Variants in DMGDH observed in about 807,000 individuals in gnomAD.
The protein encoded by DMGDH is dimethylglycine dehydrogenase, also known as dimethylglycine dehydrogenase, mitochondrial.
DMGDH carries 76 observed loss-of-function variants against 95.2 expected under a neutral mutation model. That is an observed-to-expected ratio of 0.80 (90% CI 0.66 to 0.97). The LOEUF (loss-of-function observed/expected upper bound fraction) is 0.97, where lower values mean the gene tolerates loss of function less well. DMGDH is among the 50% of genes least tolerant of loss of function. The pLI is 0.00. For synonymous variants in DMGDH, 345 were observed against 377.6 expected, an observed-to-expected ratio of 0.91 and a Z score of 1.00; for missense variants, 987 against 1,055.0, an observed-to-expected ratio of 0.94 and a Z score of 0.89.
chr5:79,005,420 A>G lies in DMGDH; in HGVS notation c.2251-13T>C. The G allele has an allele frequency of 6.2e-7, 1 of 1,614,088 alleles. No homozygotes were observed. The highest frequency in any genetic ancestry group is 2.2e-5 in the East Asian group (1 of 44,882). ...TGAAGTCTGCTGGCTGCAGGAATCC[A>G]AGATAATGATGATGAATGAATGCTC... On this transcript the variant is annotated splice_polypyrimidine_tract_variant and intron_variant, in intron 14 of 15. Coordinates refer to ENST00000255189, the MANE Select transcript of DMGDH (RefSeq NM_013391.3).
intron 7 of DMGDH, among the ~76,000 whole-genome samples, chr5:79,034,824 G>T (rs1350591704): frequency 1.3e-5 from 2 of 152,006 alleles, no homozygotes; most frequent in East Asian, 3.9e-4. Context: ...TTGGGAGGCC[G>T]AGACGGGCGG....
intron 1 of DMGDH, among the ~76,000 whole-genome samples, chr5:79,065,487 C>T (rs1220796269): frequency 6.6e-6 from 1 of 152,222 alleles, no homozygotes; most frequent in African/African-American, 2.4e-5. Flanking sequence ...GCTGGGATTA[C>T]AGGCATGAGC....
In DMGDH at chr5:79,029,969, AAC is replaced by A; in HGVS notation, c.1747_1748del (p.Val583PhefsTer20). The A allele has an allele frequency of 1.2e-6, 2 of 1,614,120 alleles. No homozygotes were observed. Among genetic ancestry groups the A allele is most frequent in the Non-Finnish European group, 1.7e-6 (2 of 1,179,970 alleles). On this transcript the variant is annotated frameshift_variant, in exon 11 of 16. Coordinates refer to ENST00000255189, the MANE Select transcript of DMGDH (RefSeq NM_013391.3). LOFTEE classifies it high-confidence loss of function. ...GAAACTCCCCAGGAGATTGGTGAGA[AAC>A]AGTCAGCTCAGCATACACTCGACCC... The part of the protein sequence containing the change: ...PKGRVYAELT[V>X]SHQSPGEFLL...
Position 79,045,762 on chromosome 5 carries a change from T to C in DMGDH, c.746-1210A>G, listed in dbSNP as rs56976263. ...TCTTTAGGGGTTACACAATAAGTTTTTAACCAGTACTGTCTCTGCTGTTTT... is the reference window on the plus strand; with the variant it reads ...TCTTTAGGGGTTACACAATAAGTTTCTAACCAGTACTGTCTCTGCTGTTTT... On this transcript the variant is annotated intron_variant, in intron 5 of 15. Transcript: ENST00000255189. 3.5e-4 allele frequency among the ~76,000 whole-genome samples: 54 copies of C among 152,306 alleles called. No homozygotes were observed. In the East Asian group the frequency reaches 9.8e-3, roughly 28 times the overall value.
chr5:79,068,167 C>A (rs1291687296), intron 1 of DMGDH, among the ~76,000 whole-genome samples: 3 of 152,176 alleles, frequency 2.0e-5, no homozygotes, highest in Non-Finnish European at 4.4e-5. Flanking sequence ...ATCTGCCCAC[C>A]TCAGCTTCCC....
At chr5:79,061,241 ACAC>A (rs1319407214) in intron 2 of DMGDH, among the ~76,000 whole-genome samples, 3 of 140,004 alleles carry the variant, frequency 2.1e-5, no homozygotes, top group Non-Finnish European at 4.4e-5. Context: ...ACACACACAC[ACAC>A]ACACACACAC....
chr5:79,033,274 GCCTCA>G lies in DMGDH; in HGVS notation c.1323_1327del (p.Glu442GlnfsTer16). Reference sequence around the variant, plus strand: ...GAATCCATATGATTCTCTTGCTTTGGCCTCAGTGTACTGGGTTGTTGTCCATTTGC... The same window carrying G: ...GAATCCATATGATTCTCTTGCTTTGGGTGTACTGGGTTGTTGTCCATTTGC... On this transcript the variant is annotated frameshift_variant, in exon 8 of 16. Coordinates refer to ENST00000255189, the MANE Select transcript of DMGDH (RefSeq NM_013391.3). LOFTEE classifies it high-confidence loss of function. 1 of 1,614,052 alleles carries G rather than the reference GCCTCA, an allele frequency of 6.2e-7. No individual in the cohort carries two copies. The highest frequency in any genetic ancestry group is 1.1e-5 in the South Asian group (1 of 91,072).
chr5:79,034,397 C>T (rs1754279392), intron 7 of DMGDH, among the ~76,000 whole-genome samples: 1 of 152,142 alleles, frequency 6.6e-6, no homozygotes, highest in Admixed American at 6.5e-5. Flanking sequence ...AAATCAAGAA[C>T]ACGATGCGGA....
intron 7 of DMGDH, 106 bp downstream of exon 7, chr5:79,042,177 T>A (rs2112644622): frequency 1.9e-6 from 2 of 1,066,034 alleles, no homozygotes; most frequent in East Asian, 5.1e-5. Context: ...TCTTTCTCTC[T>A]CTCTCAGCCT....
chr5:79,000,074 C>G (rs1190982080), intron 15 of DMGDH: 1 of 364,624 alleles, frequency 2.7e-6, no homozygotes, highest in African/African-American at 2.1e-5. Context: ...AGTGGATACT[C>G]CTGGATTTTC....
At chr5:79,014,550 G>A (rs1339871570) in intron 14 of DMGDH, among the ~76,000 whole-genome samples, 1 of 152,078 alleles carries the variant, frequency 6.6e-6, no homozygotes, top group Non-Finnish European at 1.5e-5. Flanking sequence ...ATGAAGAAAT[G>A]AGGCCTCAAT....
intron 14 of DMGDH, among the ~76,000 whole-genome samples, chr5:79,014,809 C>A (rs1753700048): frequency 6.6e-6 from 1 of 152,128 alleles, no homozygotes; most frequent in South Asian, 2.1e-4. Flanking sequence ...TAGTCAGAAT[C>A]AGTAAATGTC....
At chr5:79,002,948 A>G (rs1359067836) in intron 15 of DMGDH, among the ~76,000 whole-genome samples, 2 of 152,258 alleles carry the variant, frequency 1.3e-5, no homozygotes, top group African/African-American at 2.4e-5. Context: ...CAAGGAATAT[A>G]GCATGTAAAT....
chr5:79,049,885 C>A (rs529607259), intron 5 of DMGDH, among the ~76,000 whole-genome samples: 1 of 152,080 alleles, frequency 6.6e-6, no homozygotes, highest in Non-Finnish European at 1.5e-5. Context: ...GAGAGAAATT[C>A]GGAAATAACT....
intron 14 of DMGDH, chr5:79,020,760 A>G: frequency 1.0e-6 from 1 of 984,426 alleles, no homozygotes; most frequent in Non-Finnish European, 1.2e-6. Context: ...AGGGAAAGAG[A>G]GGGAGAAGGA....
At chr5:78,998,487 AAATTATGAAAAGT>A (rs985691279) in intron 15 of DMGDH, among the ~76,000 whole-genome samples, 190 bp from the exon 16 acceptor site, 6 of 152,264 alleles carry the variant, frequency 3.9e-5, no homozygotes, top group African/African-American at 1.4e-4. Context: ...GAAAGTTTAC[AAATTATGAAAAGT>A]AATTATCAAG....
At chr5:79,024,647 T>C (rs941821414) in intron 13 of DMGDH, among the ~76,000 whole-genome samples, 2 of 152,260 alleles carry the variant, frequency 1.3e-5, no homozygotes. Context: ...CACATGTTTT[T>C]CTGCAATAAT....
At chr5:79,023,312 C>T (rs1753911529) in intron 14 of DMGDH, among the ~76,000 whole-genome samples, 3 of 152,080 alleles carry the variant, frequency 2.0e-5, no homozygotes, top group African/African-American at 7.2e-5. Context: ...CGCTGCTGCC[C>T]TTATTCTTCA....
chr5:79,024,819 A>G (rs1468504392), intron 13 of DMGDH, among the ~76,000 whole-genome samples: 3 of 152,240 alleles, frequency 2.0e-5, no homozygotes, highest in African/African-American at 7.2e-5. Flanking sequence ...ATCTCTTCAA[A>G]TGTGGCCAAG....
Sources: allele counts gnomAD v4.1 joint callset (sites outside exome capture counted in the v4.1 genomes callset), GRCh38; gene constraint gnomAD v4.1.1; transcripts MANE v1.5; gene names NCBI Gene and HGNC (gene_info 2026-07-23, HGNC 2026-07-21).